Variants in CRACR2A observed in about 807,000 individuals in gnomAD.
CRACR2A encodes the protein calcium release activated channel regulator 2A, also known as EF-hand calcium-binding domain-containing protein 4B.
A neutral mutation model predicts 90.5 loss-of-function variants in CRACR2A; 79 were observed. The ratio of observed to expected loss-of-function variants is 0.87; its 90% CI spans 0.73 to 1.05. CRACR2A has a LOEUF of 1.05. Among genes scored for constraint, CRACR2A ranks in the 50% least tolerant of loss-of-function variants. The pLI is 0.00. For missense variants in CRACR2A, 823 were observed against 897.2 expected (o/e 0.92, Z 1.06); for synonymous variants, 338 against 356.7 (o/e 0.95, Z 0.59).
intron 4 of CRACR2A, among the ~76,000 whole-genome samples, chr12:3,695,770 C>A (rs1472954315): frequency 6.6e-6 from 1 of 152,242 alleles, no homozygotes; most frequent in Non-Finnish European, 1.5e-5. Context: ...CACAAAGACT[C>A]AGGGGAAAAG....
chr12:3,618,179 A>G lies in CRACR2A; in HGVS notation c.2034+1092T>C, dbSNP rs181464785. 1.1e-4 allele frequency among the ~76,000 whole-genome samples: 16 copies of G among 152,008 alleles called. No individual in the cohort carries two copies. The East Asian group carries it at 3.1e-3, about 29-fold the overall frequency. On this transcript the variant is annotated intron_variant, in intron 18 of 19. Coordinates refer to ENST00000440314, the MANE Select transcript of CRACR2A (RefSeq NM_001144958.2). ...GTTTTTTTTTCACTAACAAAAAAAA[A>G]AAAGAAAAGAAAAGAGAATGGATAG...
At chr12:3,659,111 G>T (rs1186211656) in intron 8 of CRACR2A, among the ~76,000 whole-genome samples, 3 of 152,218 alleles carry the variant, frequency 2.0e-5, no homozygotes, top group African/African-American at 7.2e-5. Context: ...GCTGGGCACA[G>T]GGTGAACTGG....
chr12:3,734,033 T>TGC, intron 1 of CRACR2A, among the ~76,000 whole-genome samples: 1 of 146,126 alleles, frequency 6.8e-6, no homozygotes. Context: ...TGCAGTGGCA[T>TGC]GATCTTGGCT....
At chr12:3,632,515 G>A (rs1321635175) in intron 15 of CRACR2A, among the ~76,000 whole-genome samples, 1 of 152,138 alleles carries the variant, frequency 6.6e-6, no homozygotes, top group African/African-American at 2.4e-5. Flanking sequence ...CCTCCTGTCT[G>A]CACCAACCTC....
At chr12:3,735,203 C>T (rs1311076737) in intron 1 of CRACR2A, among the ~76,000 whole-genome samples, 1 of 152,134 alleles carries the variant, frequency 6.6e-6, no homozygotes, top group African/African-American at 2.4e-5. Context: ...CTTTCAGTTA[C>T]ACCTCAATAA....
At chr12:3,645,694 G>C (rs530988818) in intron 11 of CRACR2A, among the ~76,000 whole-genome samples, 9 of 152,260 alleles carry the variant, frequency 5.9e-5, no homozygotes, top group Non-Finnish European at 1.3e-4. Flanking sequence ...TTTTGGAACA[G>C]CACGGGGAAA....
intron 2 of CRACR2A, among the ~76,000 whole-genome samples, chr12:3,713,696 C>T (rs1192771325): frequency 6.6e-6 from 1 of 152,204 alleles, no homozygotes; most frequent in Non-Finnish European, 1.5e-5. Flanking sequence ...ACGCTGTCTA[C>T]ACCACAGGAG....
At chr12:3,737,126 C>G (rs1048939435) in intron 1 of CRACR2A, among the ~76,000 whole-genome samples, 16 of 152,076 alleles carry the variant, frequency 1.1e-4, no homozygotes, top group African/African-American at 3.9e-4. Context: ...CTATAGGGAG[C>G]CCAAATTAAC....
intron 2 of CRACR2A, chr12:3,727,394 T>G (rs927803865): frequency 6.6e-6 from 1 of 152,212 alleles, no homozygotes; most frequent in African/African-American, 2.4e-5. Context: ...AAAACAGCTT[T>G]TATAAACAAG....
At chr12:3,656,230 A>G in intron 9 of CRACR2A, 81 bp downstream of exon 9, 1 of 1,371,794 alleles carries the variant, frequency 7.3e-7, no homozygotes, top group South Asian at 1.2e-5. Flanking sequence ...CCTTAAGTGA[A>G]TGGCAGGGAA....
intron 2 of CRACR2A, chr12:3,728,129 G>C (rs896288920): frequency 9.9e-5 from 15 of 152,176 alleles, no homozygotes; most frequent in African/African-American, 3.6e-4. Context: ...CAGGACTCTG[G>C]AGTCTCCTTT....
chr12:3,725,435 T>C (rs951366988), intron 2 of CRACR2A, among the ~76,000 whole-genome samples: 5 of 152,192 alleles, frequency 3.3e-5, no homozygotes, highest in Non-Finnish European at 7.3e-5. Flanking sequence ...TTTGGCCTTC[T>C]TCTCTCTATG....
chr12:3,615,502 CTGG>C, intron 19 of CRACR2A, 63 bp from the exon 20 acceptor site: 1 of 1,373,826 alleles, frequency 7.3e-7, no homozygotes, highest in East Asian at 2.5e-5. Flanking sequence ...GGCTGGCAAC[CTGG>C]ACAAGCTACC....
At chr12:3,638,509 A>G in intron 13 of CRACR2A, 55 bp from the exon 14 acceptor site, 14 of 1,471,264 alleles carry the variant, frequency 9.5e-6, no homozygotes, top group Non-Finnish European at 1.3e-5. Flanking sequence ...ATATTTCAAT[A>G]CGGGCTGCAT....
At chr12:3,673,005 C>G (rs1016506505) in intron 7 of CRACR2A, among the ~76,000 whole-genome samples, 1 of 152,184 alleles carries the variant, frequency 6.6e-6, no homozygotes, top group African/African-American at 2.4e-5. Context: ...GTCTTACTGC[C>G]TGGAGGCAAG....
At chr12:3,727,314 C>T (rs566782963) in intron 2 of CRACR2A, 18 of 152,126 alleles carry the variant, frequency 1.2e-4, no homozygotes, top group African/African-American at 4.1e-4. Flanking sequence ...ACCATGATAG[C>T]TAATTTTTGC....
chr12:3,640,450 T>G (rs1358219909), intron 13 of CRACR2A: 2 of 1,108,716 alleles, frequency 1.8e-6, no homozygotes, highest in Non-Finnish European at 2.3e-6. Context: ...AATTTATTTT[T>G]GGAGGCTTTA....
chr12:3,669,302 C>A (rs929923761), intron 7 of CRACR2A, among the ~76,000 whole-genome samples: 1 of 152,194 alleles, frequency 6.6e-6, no homozygotes, highest in African/African-American at 2.4e-5. Context: ...AGAGCTCAAG[C>A]TTTTGTTCCA....
At chr12:3,686,148 T>TC (rs1265667636) in intron 4 of CRACR2A, among the ~76,000 whole-genome samples, 2 of 152,248 alleles carry the variant, frequency 1.3e-5, no homozygotes, top group African/African-American at 4.8e-5. Flanking sequence ...AGATTGAGGA[T>TC]TAAAACCCAA....
Sources: allele counts gnomAD v4.1 joint callset (sites outside exome capture counted in the v4.1 genomes callset), GRCh38; gene constraint gnomAD v4.1.1; transcripts MANE v1.5; gene names NCBI Gene and HGNC (gene_info 2026-07-23, HGNC 2026-07-21).